Variants in ADGRD1 observed in about 807,000 individuals in gnomAD.
ADGRD1 encodes G-protein coupled receptor 133.
A neutral mutation model predicts 113.4 loss-of-function variants in ADGRD1; 77 were observed. The observed-to-expected ratio is 0.68, with a 90% CI of 0.57 to 0.82. ADGRD1 has a LOEUF of 0.82. Ranked by LOEUF, ADGRD1 falls within the 40% of genes least tolerant of loss-of-function variation. ADGRD1 has a pLI of 0.00. For synonymous variants in ADGRD1, 474 were observed against 475.0 expected (o/e 1.00, Z 0.03); for missense variants, 1,036 against 1,139.1 (o/e 0.91, Z 1.30).
In ADGRD1 at chr12:131,057,641, C is replaced by T. The variant is rs1006184249; in HGVS notation, c.1474-19160C>T. On this transcript the variant is annotated intron_variant, in intron 13 of 24. Coordinates refer to ENST00000261654, the MANE Select transcript of ADGRD1 (RefSeq NM_198827.5). This position sits in a 1 kb window ranked among gnomAD's most constrained non-coding sequence, Gnocchi z 4.2. ...TGTCATTGTCCTTTCCCGCAGTGTA[C>T]GAGGACACTCAGATGGGACTGAGGG... Among the ~76,000 whole-genome samples, 6 of 152,156 alleles carry T rather than the reference C, an allele frequency of 3.9e-5. No individual in the cohort carries two copies. The highest frequency in any genetic ancestry group is 7.4e-5 in the Non-Finnish European group (5 of 68,022).
intron 13 of ADGRD1, among the ~76,000 whole-genome samples, chr12:131,045,604 G>C (rs1341282161): frequency 1.3e-5 from 2 of 152,088 alleles, no homozygotes; most frequent in African/African-American, 2.4e-5. Flanking sequence ...TGCCCACCGG[G>C]TTCCTTCTTA....
rs71095334 is a variant in ADGRD1, at chr12:131,101,377, C to CTTTTTTTTT, written c.1672-3435_1672-3427dup. 8.8e-3 allele frequency among the ~76,000 whole-genome samples: 317 copies of CTTTTTTTTT among 36,104 alleles called. 19 individuals carry two copies. The highest frequency in any genetic ancestry group is 0.025 in the Middle Eastern group (1 of 40). 23.7% of individuals were successfully genotyped at this position (36,104 alleles called of 152,430 possible). ...TTATTTTTTTTCTTTTTCTTTCTTT[C>CTTTTTTTTT]TTTTTTTTTTTTTTTTTTTTTTTTT... On this transcript the variant is annotated intron_variant, in intron 15 of 24. Coordinates refer to ENST00000261654, the MANE Select transcript of ADGRD1 (RefSeq NM_198827.5).
intron 13 of ADGRD1, among the ~76,000 whole-genome samples, chr12:131,059,170 TGAG>T (rs1884115442): frequency 6.6e-6 from 1 of 152,168 alleles, no homozygotes; most frequent in Admixed American, 6.5e-5. Flanking sequence ...AGCCATCCAT[TGAG>T]GTGTTTTGTT....
rs1440794819 is a variant in ADGRD1, at chr12:131,060,417, C to T, written c.1474-16384C>T. ...TCAGGAGGCAAATAATCCACGCAGG[C>T]AGCGACAGCAGGGGTCATGTTCAAA... On this transcript the variant is annotated intron_variant, in intron 13 of 24. Transcript: ENST00000261654. The surrounding 1 kb of genome is among the most constrained non-coding windows in gnomAD (Gnocchi z 4.4). Among the ~76,000 whole-genome samples the T allele has an allele frequency of 2.6e-5, 4 of 152,194 alleles. No individual in the cohort carries two copies. Among genetic ancestry groups the T allele is most frequent in the Non-Finnish European group, 5.9e-5 (4 of 68,028 alleles).
intron 13 of ADGRD1, among the ~76,000 whole-genome samples, chr12:131,016,465 C>T (rs915773341): frequency 1.6e-4 from 24 of 152,246 alleles, no homozygotes; most frequent in African/African-American, 5.5e-4. Context: ...TCCCCTCTGC[C>T]GTGATGTCAG....
Position 130,954,536 on chromosome 12 carries a change from T to A in ADGRD1, c.66+5T>A, listed in dbSNP as rs372946128. On this transcript the variant is annotated splice_donor_5th_base_variant and intron_variant, in intron 1 of 24. Transcript: ENST00000261654. The surrounding 1 kb of genome is among the most constrained non-coding windows in gnomAD (Gnocchi z 4.7). ...CTATTTTATTACAACTTTCAGGTAA[T>A]GTCCCCAAGTGGCCAGGATGGCGAC... 3 of 1,611,226 alleles carry A rather than the reference T, an allele frequency of 1.9e-6. No homozygotes were observed. Among genetic ancestry groups the A allele is most frequent in the Non-Finnish European group, 2.5e-6 (3 of 1,178,406 alleles).
rs200641036 is a variant in ADGRD1, at chr12:130,992,380, G to C, written c.954G>C (p.Leu318Phe). The C allele has an allele frequency of 6.6e-5, 106 of 1,613,232 alleles. No individual in the cohort carries two copies. Among genetic ancestry groups the C allele is most frequent in the Non-Finnish European group, 8.3e-5 (98 of 1,179,720 alleles). The change falls in exon 8 of 25, where the codon TTG becomes TTC. Residue 318 changes from leucine to phenylalanine, a missense_variant. Coordinates refer to ENST00000261654, the MANE Select transcript of ADGRD1 (RefSeq NM_198827.5). ...AGTCCCTCTCGGAGCAGACAGCCTT[G>C]AATCTCACCAAGGTAAGGCTATTTG... ...PSKSLSEQTA[L>F]NLTKTFLKAV...
At position 131,138,118 on chromosome 12, in the gene ADGRD1, T is replaced by A; in HGVS notation, c.2437-19T>A. ...GCAGCCTCTGAAATTGCTCTCACGATCCCTTCCCCGCTTTCAAGGTGAGAG... is the reference window on the plus strand; with the variant it reads ...GCAGCCTCTGAAATTGCTCTCACGAACCCTTCCCCGCTTTCAAGGTGAGAG... On this transcript the variant is annotated intron_variant, in intron 23 of 24. Coordinates refer to ENST00000261654, the MANE Select transcript of ADGRD1 (RefSeq NM_198827.5). 1 of 1,610,516 alleles carries A rather than the reference T, an allele frequency of 6.2e-7. No individual in the cohort carries two copies. The highest frequency in any genetic ancestry group is 8.5e-7 in the Non-Finnish European group (1 of 1,177,636).
At chr12:131,009,277 A>G (rs1877569842) in intron 12 of ADGRD1, among the ~76,000 whole-genome samples, 1 of 152,256 alleles carries the variant, frequency 6.6e-6, no homozygotes, top group Non-Finnish European at 1.5e-5. Context: ...GCAGTCAGAC[A>G]CACCTGAACT....
At position 131,075,081 on chromosome 12, in the gene ADGRD1, T is replaced by A. The variant is rs1169059443; in HGVS notation, c.1474-1720T>A. Among the ~76,000 whole-genome samples the A allele has an allele frequency of 2.0e-5, 3 of 152,186 alleles. No homozygotes were observed. The highest frequency in any genetic ancestry group is 4.8e-5 in the African/African-American group (2 of 41,458). ...GGCGTCGCCTCACTCCTGAGAAGCC[T>A]TGCCACGTGTTGATGTGTATGGGTC... On this transcript the variant is annotated intron_variant, in intron 13 of 24. Coordinates refer to ENST00000261654, the MANE Select transcript of ADGRD1 (RefSeq NM_198827.5). This position sits in a 1 kb window ranked among gnomAD's most constrained non-coding sequence, Gnocchi z 5.3.
At chr12:131,103,978 G>C (rs1950162272) in intron 15 of ADGRD1, among the ~76,000 whole-genome samples, 1 of 152,226 alleles carries the variant, frequency 6.6e-6, no homozygotes, top group African/African-American at 2.4e-5. Context: ...CTGAGCTTGA[G>C]GCCCCGACTT....
At chr12:131,032,993 T>C (rs1245349435) in intron 13 of ADGRD1, among the ~76,000 whole-genome samples, 1 of 151,400 alleles carries the variant, frequency 6.6e-6, no homozygotes, top group African/African-American at 2.4e-5. Context: ...AGGTGACGCT[T>C]ATTAGAGAAA....
intron 12 of ADGRD1, among the ~76,000 whole-genome samples, chr12:131,013,074 T>C (rs1026304585): frequency 2.6e-5 from 4 of 152,178 alleles, no homozygotes; most frequent in Non-Finnish European, 5.9e-5. Flanking sequence ...TCGTGCCCAG[T>C]GTGAGCACCT....
chr12:131,009,375 C>G (rs538637757), intron 12 of ADGRD1, among the ~76,000 whole-genome samples: 47 of 152,234 alleles, frequency 3.1e-4, no homozygotes, highest in Admixed American at 5.2e-4. Flanking sequence ...GAGGTTCGTG[C>G]CTGAGCTAAT....
chr12:130,956,833 C>T (rs1869650031), intron 2 of ADGRD1: 1 of 152,328 alleles, frequency 6.6e-6, no homozygotes, highest in Admixed American at 6.5e-5. Context: ...AACATATGCC[C>T]ACATGCACCA....
intron 20 of ADGRD1, among the ~76,000 whole-genome samples, chr12:131,121,690 G>T (rs937936671): frequency 6.6e-6 from 1 of 152,162 alleles, no homozygotes; most frequent in East Asian, 1.9e-4. Flanking sequence ...CCAACTCAGT[G>T]TTTAAACACG....
rs150155648 is a variant in ADGRD1 at position 131,077,802 on chromosome 12, A to G, written c.1547+928A>G. On this transcript the variant is annotated intron_variant, in intron 14 of 24. Coordinates refer to ENST00000261654, the MANE Select transcript of ADGRD1 (RefSeq NM_198827.5). ...ACCCAGGCTGGAGTGCAGTGGTGTGATCTTAGCTCAATGTAGTCTGAAACT... is the reference window on the plus strand; with the variant it reads ...ACCCAGGCTGGAGTGCAGTGGTGTGGTCTTAGCTCAATGTAGTCTGAAACT... Among the ~76,000 whole-genome samples the G allele has an allele frequency of 1.8e-3, 275 of 152,134 alleles. 2 individuals carry two copies. Among genetic ancestry groups the G allele is most frequent in the African/African-American group, 6.4e-3 (265 of 41,500 alleles).
chr12:131,082,175 T>C (rs1255391382), intron 14 of ADGRD1, among the ~76,000 whole-genome samples: 3 of 152,246 alleles, frequency 2.0e-5, no homozygotes, highest in Non-Finnish European at 4.4e-5. Context: ...CTTTTGTTTC[T>C]GTGTTTTGCC....
At chr12:130,969,779 C>T (rs1871406658) in intron 3 of ADGRD1, 1 of 152,220 alleles carries the variant, frequency 6.6e-6, no homozygotes, top group Admixed American at 6.5e-5. Flanking sequence ...GTCCCTGGTG[C>T]CAAAAATGCT....
Sources: allele counts gnomAD v4.1 joint callset (sites outside exome capture counted in the v4.1 genomes callset), GRCh38; gene constraint gnomAD v4.1.1; non-coding constraint Gnocchi (gnomAD v3.1); transcripts MANE v1.5; gene names NCBI Gene and HGNC (gene_info 2026-07-23, HGNC 2026-07-21).